HOMER1: variants seen among roughly 807,000 people sequenced by gnomAD.
HOMER1 encodes homer protein homolog 1.
A neutral mutation model predicts 48.9 loss-of-function variants in HOMER1; 3 were observed. The ratio of observed to expected loss-of-function variants is 0.06; its 90% CI spans 0.03 to 0.16. HOMER1 has a LOEUF of 0.16. HOMER1 is among the 10% of genes least tolerant of loss of function. The pLI, the probability that HOMER1 is intolerant of heterozygous loss-of-function variation, is 1.00. For synonymous variants in HOMER1, 134 were observed against 146.4 expected, an observed-to-expected ratio of 0.92 and a Z score of 0.61; for missense variants, 247 against 411.4, an observed-to-expected ratio of 0.60 and a Z score of 3.46.
At chr5:79,434,903 A>T (rs1484467544) in intron 5 of HOMER1, among the ~76,000 whole-genome samples, 2 of 152,182 alleles carry the variant, frequency 1.3e-5, no homozygotes, top group Non-Finnish European at 2.9e-5. Flanking sequence ...AAAAAGTTGT[A>T]ATAGCTTAGT....
At chr5:79,380,451 T>G (rs556856385) in intron 8 of HOMER1, among the ~76,000 whole-genome samples, 1 of 152,238 alleles carries the variant, frequency 6.6e-6, no homozygotes, top group African/African-American at 2.4e-5. Context: ...TGCAGGCTAC[T>G]GCACCCAGGC....
intron 1 of HOMER1, among the ~76,000 whole-genome samples, chr5:79,490,004 T>C (rs1752225461): frequency 6.6e-6 from 1 of 152,194 alleles, no homozygotes; most frequent in Non-Finnish European, 1.5e-5. Context: ...GTTGCATCCC[T>C]GTACTCAGCC....
chr5:79,436,971 T>C (rs1174769067), intron 5 of HOMER1, among the ~76,000 whole-genome samples: 1 of 152,218 alleles, frequency 6.6e-6, no homozygotes, highest in Non-Finnish European at 1.5e-5. Flanking sequence ...ACCTGTTAAA[T>C]TTTATATTCA....
At chr5:79,510,802 G>A (rs1683398641) in intron 1 of HOMER1, 1 of 751,736 alleles carries the variant, frequency 1.3e-6, no homozygotes, top group Non-Finnish European at 2.4e-6. Flanking sequence ...AAAGGCCAAG[G>A]ACAAGGATCA....
intron 3 of HOMER1, among the ~76,000 whole-genome samples, chr5:79,448,184 C>T (rs1750933972): frequency 6.6e-6 from 1 of 152,164 alleles, no homozygotes; most frequent in Admixed American, 6.5e-5. Flanking sequence ...ATTTGTGCTA[C>T]TATACTTCTC....
intron 8 of HOMER1, among the ~76,000 whole-genome samples, chr5:79,387,566 T>C (rs1054309718): frequency 6.6e-6 from 1 of 152,190 alleles, no homozygotes; most frequent in African/African-American, 2.4e-5. Flanking sequence ...ATAGGAACTA[T>C]AAATAATCAA....
At chr5:79,442,545 C>A in intron 4 of HOMER1, among the ~76,000 whole-genome samples, 1 of 152,170 alleles carries the variant, frequency 6.6e-6, no homozygotes, top group East Asian at 1.9e-4. Context: ...ACTGCCATGA[C>A]CCACTATACC....
intron 5 of HOMER1, among the ~76,000 whole-genome samples, chr5:79,428,990 G>A (rs1056759538): frequency 1.3e-5 from 2 of 152,210 alleles, no homozygotes; most frequent in Non-Finnish European, 2.9e-5. Flanking sequence ...TCTAGGTACT[G>A]AGGAGTCAAA....
rs139833444 is a variant in HOMER1, at chr5:79,412,214, C to T, written c.528-10159G>A. Reference sequence around the variant, plus strand: ...TCTGTATCAGTAGTGGGGTCAATCCCTAACTATGAAAGCACTCCACAGCAC... The same window carrying T: ...TCTGTATCAGTAGTGGGGTCAATCCTTAACTATGAAAGCACTCCACAGCAC... On this transcript the variant is annotated intron_variant, in intron 5 of 8. Coordinates refer to ENST00000334082, the MANE Select transcript of HOMER1 (RefSeq NM_004272.5). 3.9e-4 allele frequency among the ~76,000 whole-genome samples: 59 copies of T among 152,276 alleles called. No individual in the cohort carries two copies. In the East Asian group the frequency reaches 0.011, roughly 28 times the overall value.
At chr5:79,462,699 GCAGA>G (rs922330190) in intron 1 of HOMER1, among the ~76,000 whole-genome samples, 1 of 152,104 alleles carries the variant, frequency 6.6e-6, no homozygotes, top group African/African-American at 2.4e-5. Context: ...TAGAAAAAAA[GCAGA>G]CAGTTAACAT....
intron 1 of HOMER1, among the ~76,000 whole-genome samples, chr5:79,458,585 A>T (rs140808076): frequency 9.0e-4 from 137 of 152,134 alleles, no homozygotes; most frequent in Middle Eastern, 3.4e-3. Flanking sequence ...ACCCTTAGAG[A>T]GTTGGTGTGA....
intron 1 of HOMER1, among the ~76,000 whole-genome samples, chr5:79,469,284 CAT>C (rs2112322280): frequency 6.6e-6 from 1 of 152,304 alleles, no homozygotes; most frequent in African/African-American, 2.4e-5. Flanking sequence ...TTACACAAAA[CAT>C]ATTTAATGTT....
chr5:79,505,999 T>C (rs936720173), intron 1 of HOMER1, among the ~76,000 whole-genome samples: 3 of 152,162 alleles, frequency 2.0e-5, no homozygotes. Flanking sequence ...GTAAAAAAGA[T>C]GACCCTATAA....
intron 5 of HOMER1, among the ~76,000 whole-genome samples, chr5:79,435,852 C>T (rs1426872262): frequency 5.7e-5 from 8 of 141,270 alleles, no homozygotes; most frequent in Non-Finnish European, 9.1e-5. Context: ...ATAGGCCGGG[C>T]GCGGTGGCTC....
intron 1 of HOMER1, among the ~76,000 whole-genome samples, chr5:79,466,359 T>G (rs1352774757): frequency 1.3e-5 from 2 of 151,842 alleles, no homozygotes; most frequent in African/African-American, 4.8e-5. Flanking sequence ...TACAAAAAAT[T>G]AGCCGGGCAT....
intron 1 of HOMER1, among the ~76,000 whole-genome samples, chr5:79,501,348 AAT>A (rs1361119548): frequency 3.9e-5 from 6 of 152,170 alleles, no homozygotes; most frequent in Non-Finnish European, 5.9e-5. Flanking sequence ...TAACATACAA[AAT>A]ATGTGTTAAT....
chr5:79,492,329 T>A (rs1014379448), intron 1 of HOMER1, among the ~76,000 whole-genome samples: 1 of 152,134 alleles, frequency 6.6e-6, no homozygotes, highest in African/African-American at 2.4e-5. Context: ...CTGAAAAGTG[T>A]ACCCTGTCTA....
chr5:79,440,623 T>TTAAGTGAATAATGGGAATAGCAATCAC (rs1469444179), intron 4 of HOMER1, among the ~76,000 whole-genome samples: 1 of 152,182 alleles, frequency 6.6e-6, no homozygotes, highest in Admixed American at 6.5e-5. Context: ...TCAAATCCTA[T>TTAAGTGAATAATGGGAATAGCAATCAC]TAAGTGAATA....
At chr5:79,509,890 G>A (rs1163341633) in intron 1 of HOMER1, among the ~76,000 whole-genome samples, 4 of 152,096 alleles carry the variant, frequency 2.6e-5, no homozygotes, top group Non-Finnish European at 5.9e-5. Flanking sequence ...AAAAAAAGAA[G>A]GTTGTAATAT....
Sources: gnomAD v4.1 joint callset for allele counts (sites outside exome capture counted in the v4.1 genomes callset) on GRCh38, gnomAD v4.1.1 for gene constraint, MANE v1.5 for transcripts, NCBI Gene and HGNC (gene_info 2026-07-23, HGNC 2026-07-21) for gene names.